MARCHF1: variants seen among roughly 807,000 people sequenced by gnomAD.
MARCHF1 encodes the protein E3 ubiquitin-protein ligase MARCHF1.
MARCHF1 carries 40 observed loss-of-function variants against 54.2 expected under a neutral mutation model. The ratio of observed to expected loss-of-function variants is 0.74; its 90% confidence interval spans 0.57 to 0.96. The LOEUF is 0.96. MARCHF1 is among the 40% of genes least tolerant of loss of function. The pLI is 0.00. For synonymous variants in MARCHF1, 236 were observed against 236.3 expected (o/e 1.00, Z 0.01); for missense variants, 586 against 656.5 (o/e 0.89, Z 1.17).
chr4:163,796,491 T>C (rs913848328), intron 4 of MARCHF1, among the ~76,000 whole-genome samples: 1 of 152,152 alleles, frequency 6.6e-6, no homozygotes, highest in Non-Finnish European at 1.5e-5. Flanking sequence ...GTTGTTATTA[T>C]AGACACATCA....
At chr4:163,929,022 T>C (rs1402053194) in intron 3 of MARCHF1, among the ~76,000 whole-genome samples, 3 of 152,004 alleles carry the variant, frequency 2.0e-5, no homozygotes, top group Admixed American at 1.3e-4. Flanking sequence ...ATATTGTTTA[T>C]ACCAAAACAT....
At chr4:164,316,512 GT>G (rs1213723310) in intron 1 of MARCHF1, among the ~76,000 whole-genome samples, 2 of 152,100 alleles carry the variant, frequency 1.3e-5, no homozygotes, top group African/African-American at 4.8e-5. Context: ...AAAAAGATGA[GT>G]AAAAAGACAC....
chr4:164,292,508 A>T (rs887144186), intron 1 of MARCHF1, among the ~76,000 whole-genome samples: 6 of 152,274 alleles, frequency 3.9e-5, no homozygotes, highest in Admixed American at 2.6e-4. Context: ...TAACATGTAA[A>T]AATCATATTC....
intron 3 of MARCHF1, among the ~76,000 whole-genome samples, chr4:163,856,696 T>C (rs1749774811): frequency 6.6e-6 from 1 of 152,274 alleles, no homozygotes; most frequent in South Asian, 2.1e-4. Context: ...CATCATCTCC[T>C]GGAGAAGTCA....
At position 163,864,071 on chromosome 4, in the gene MARCHF1, C is replaced by T. The variant is rs182454614; in HGVS notation, c.-38-9902G>A. On this transcript the variant is annotated intron_variant, in intron 3 of 9. Transcript: ENST00000514618. ...TGGAGGAGAAAGACAGTCTCTTGTG[C>T]AGAACTGTCATTTCTCTGCTCAAAA... Among the ~76,000 whole-genome samples, 5 of 152,076 alleles carry T rather than the reference C, an allele frequency of 3.3e-5. No individual in the cohort carries two copies. The East Asian group carries it at 7.7e-4, about 23-fold the overall frequency.
intron 1 of MARCHF1, among the ~76,000 whole-genome samples, chr4:164,366,317 C>T (rs1041637735): frequency 1.3e-5 from 2 of 151,906 alleles, no homozygotes; most frequent in Non-Finnish European, 2.9e-5. Flanking sequence ...ATAGTCCTGG[C>T]TCTTATAAAG....
chr4:164,099,369 A>G (rs549219796), intron 2 of MARCHF1, among the ~76,000 whole-genome samples: 8 of 152,256 alleles, frequency 5.3e-5, no homozygotes, highest in Non-Finnish European at 7.4e-5. Flanking sequence ...GAAAAATACT[A>G]TGTCTGTCTA....
chr4:164,298,445 C>T (rs1734467704), intron 1 of MARCHF1, among the ~76,000 whole-genome samples: 1 of 151,880 alleles, frequency 6.6e-6, no homozygotes, highest in East Asian at 1.9e-4. Context: ...GCAGGGAATA[C>T]CCATTTAAAG....
rs1459448577 is a variant in MARCHF1 at position 164,188,637 on chromosome 4, A to G, written c.-322-76975T>C. Reference sequence around the variant, plus strand: ...GCCGCCACGAACCAGCTCACCTCCAATCCCAAGAACACGGTCTTTGACGCC... The same window carrying G: ...GCCGCCACGAACCAGCTCACCTCCAGTCCCAAGAACACGGTCTTTGACGCC... On this transcript the variant is annotated intron_variant, in intron 1 of 9. Transcript: ENST00000514618. The G allele has an allele frequency of 2.9e-6, 3 of 1,052,114 alleles. No homozygotes were observed. In the East Asian group the frequency reaches 7.1e-5, roughly 25 times the overall value. The allele number at this position is 1,052,114 out of a possible 1,614,324, so 65.2% of individuals were successfully genotyped here. A position where few individuals can be genotyped will look rare whatever the true frequency, so the allele number is the denominator to read the frequency against.
intron 4 of MARCHF1, among the ~76,000 whole-genome samples, chr4:163,732,219 C>A (rs892490425): frequency 2.0e-5 from 3 of 151,408 alleles, no homozygotes; most frequent in African/African-American, 7.3e-5. Context: ...ATCAAAAGAG[C>A]CTAACCAAAC....
At chr4:163,743,639 C>G (rs958701845) in intron 4 of MARCHF1, among the ~76,000 whole-genome samples, 3 of 143,334 alleles carry the variant, frequency 2.1e-5, no homozygotes, top group African/African-American at 7.8e-5. Flanking sequence ...AGGGCAGTGG[C>G]GCGATCTGGG....
rs981301624 is a variant in MARCHF1 at position 163,613,135 on chromosome 4, A to G, written c.243-97T>C. 1.0e-5 allele frequency: 13 copies of G among 1,273,264 alleles called. No individual in the cohort carries two copies. In the Admixed American group the frequency reaches 1.5e-4, roughly 15 times the overall value. 78.9% of individuals were successfully genotyped at this position (1,273,264 alleles called of 1,614,324 possible). A position where few individuals can be genotyped will look rare whatever the true frequency, so the allele number is the denominator to read the frequency against. Reference sequence around the variant, plus strand: ...AATGATGAAAATGACAGCATGGACCAGAAGTAGATAAATAAAGATCAACTG... The same window carrying G: ...AATGATGAAAATGACAGCATGGACCGGAAGTAGATAAATAAAGATCAACTG... On this transcript the variant is annotated intron_variant, in intron 6 of 9. Coordinates refer to ENST00000514618, the MANE Select transcript of MARCHF1 (RefSeq NM_001394959.1).
chr4:163,893,830 C>T (rs1750717991), intron 3 of MARCHF1, among the ~76,000 whole-genome samples: 1 of 152,082 alleles, frequency 6.6e-6, no homozygotes, highest in African/African-American at 2.4e-5. Flanking sequence ...TTACAGCCTG[C>T]AAGAGTAAGC....
At chr4:163,895,189 T>C (rs896777181) in intron 3 of MARCHF1, among the ~76,000 whole-genome samples, 3 of 152,216 alleles carry the variant, frequency 2.0e-5, no homozygotes, top group African/African-American at 7.2e-5. Context: ...TTGCAATGGC[T>C]AGAATGTTGG....
intron 3 of MARCHF1, among the ~76,000 whole-genome samples, chr4:163,939,245 G>A (rs865785574): frequency 6.6e-6 from 1 of 152,094 alleles, no homozygotes; most frequent in East Asian, 1.9e-4. Flanking sequence ...TAATTTAAAC[G>A]TGCTCACTAT....
chr4:164,012,801 G>A (rs900751345), intron 2 of MARCHF1, among the ~76,000 whole-genome samples: 24 of 152,038 alleles, frequency 1.6e-4, no homozygotes, highest in African/African-American at 5.1e-4. Context: ...TATAGGAGGC[G>A]ACAGGATTTG....
At position 163,894,784 on chromosome 4, in the gene MARCHF1, TAC is replaced by T. The variant is rs1279564298; in HGVS notation, c.-38-40617_-38-40616del. On this transcript the variant is annotated intron_variant, in intron 3 of 9. Coordinates refer to ENST00000514618, the MANE Select transcript of MARCHF1 (RefSeq NM_001394959.1). ...TATACATGCATGTGATGCATATATATACATGCATGTGATGCATATATATACAT... is the reference window on the plus strand; with the variant it reads ...TATACATGCATGTGATGCATATATATATGCATGTGATGCATATATATACAT... Among the ~76,000 whole-genome samples, 23 of 82,654 alleles carry T rather than the reference TAC, an allele frequency of 2.8e-4. 7 individuals are homozygous for T. Among genetic ancestry groups the T allele is most frequent in the African/African-American group, 1.2e-3 (22 of 18,366 alleles). 54.2% of individuals were successfully genotyped at this position (82,654 alleles called of 152,430 possible). A position where few individuals can be genotyped will look rare whatever the true frequency, so the allele number is the denominator to read the frequency against.
intron 4 of MARCHF1, among the ~76,000 whole-genome samples, chr4:163,794,517 G>A (rs1747857536): frequency 6.6e-6 from 1 of 152,116 alleles, no homozygotes; most frequent in African/African-American, 2.4e-5. Flanking sequence ...AAATACAGAA[G>A]CACACATACA....
rs145452514 is a variant in MARCHF1 at position 164,347,848 on chromosome 4, A to G, written c.-323+36022T>C. On this transcript the variant is annotated intron_variant, in intron 1 of 9. Coordinates refer to ENST00000514618, the MANE Select transcript of MARCHF1 (RefSeq NM_001394959.1). ...AATGAAAAATATCTATTTTAGAGCT[A>G]TTTAAAATGAATAGAAAATGTTTAT... 8.0e-3 allele frequency among the ~76,000 whole-genome samples: 1,226 copies of G among 152,320 alleles called. 5 individuals are homozygous for G. Among genetic ancestry groups the G allele is most frequent in the Non-Finnish European group, 0.012 (791 of 68,006 alleles).
Sources: allele counts gnomAD v4.1 joint callset (sites outside exome capture counted in the v4.1 genomes callset), GRCh38; gene constraint gnomAD v4.1.1; transcripts MANE v1.5; gene names NCBI Gene and HGNC (gene_info 2026-07-23, HGNC 2026-07-21).